The following ATP9A variants were observed in gnomAD, a reference collection of about 807,000 sequenced individuals.
ATP9A encodes the protein probable phospholipid-transporting ATPase IIA.
ATP9A carries 52 observed loss-of-function variants against 144.1 expected under a neutral mutation model. The ratio of observed to expected loss-of-function variants is 0.36; its 90% CI spans 0.29 to 0.45. The LOEUF (loss-of-function observed/expected upper bound fraction) is 0.45. Among genes scored for constraint, ATP9A ranks in the 20% least tolerant of loss-of-function variants. The pLI is 1.00. For synonymous variants in ATP9A, 582 were observed against 557.4 expected (o/e 1.04, Z -0.62); for missense variants, 947 against 1,392.7 (o/e 0.68, Z 5.09).
chr20:51,685,792 G>A (rs977472833), intron 9 of ATP9A, among the ~76,000 whole-genome samples: 1 of 152,146 alleles, frequency 6.6e-6, no homozygotes, highest in East Asian at 1.9e-4. Context: ...TTAAACCATT[G>A]TGGAAGACAG....
intron 3 of ATP9A, among the ~76,000 whole-genome samples, chr20:51,718,564 T>TC (rs2077672886): frequency 6.6e-6 from 1 of 151,842 alleles, no homozygotes; most frequent in Non-Finnish European, 1.5e-5. Flanking sequence ...ACACCTGTAA[T>TC]CCCAGCACTT....
intron 13 of ATP9A, among the ~76,000 whole-genome samples, chr20:51,658,887 G>GTTGT (rs2077398674): frequency 1.2e-5 from 1 of 81,588 alleles, no homozygotes; most frequent in Non-Finnish European, 2.6e-5. Flanking sequence ...AAGACCACTG[G>GTTGT]CGGGGGGGGG....
rs929624034 is a variant in ATP9A at position 51,646,602 on chromosome 20, G to C, written c.1507-7098C>G. Among the ~76,000 whole-genome samples, 6 of 152,214 alleles carry C rather than the reference G, an allele frequency of 3.9e-5. No homozygotes were observed. In the East Asian group the frequency reaches 9.6e-4, roughly 24 times the overall value. ...AGACAGGCATAGGGCAGGGCCATGT[G>C]GGGGTCAGAAGAAAACTGAGGCAGC... On this transcript the variant is annotated intron_variant, in intron 14 of 27. Transcript: ENST00000338821.
At chr20:51,768,212 C>G in intron 1 of ATP9A, 90 bp downstream of exon 1, 1 of 837,584 alleles carries the variant, frequency 1.2e-6, no homozygotes, top group Non-Finnish European at 1.5e-6. Context: ...GCGCGGCGCG[C>G]GGCCAACCTG....
At chr20:51,629,719 G>A (rs2077263184) in intron 15 of ATP9A, among the ~76,000 whole-genome samples, 1 of 152,196 alleles carries the variant, frequency 6.6e-6, no homozygotes, top group African/African-American at 2.4e-5. Flanking sequence ...CAGAGTTTCA[G>A]TTCACCCTAA....
chr20:51,663,387 T>C (rs1416458069), intron 13 of ATP9A, among the ~76,000 whole-genome samples: 2 of 152,096 alleles, frequency 1.3e-5, no homozygotes, highest in Non-Finnish European at 2.9e-5. Context: ...CTTGGCCGTA[T>C]GATTTATTTT....
At chr20:51,617,349 A>C in intron 22 of ATP9A, 141 bp downstream of exon 22, 2 of 865,072 alleles carry the variant, frequency 2.3e-6, no homozygotes, top group Non-Finnish European at 3.7e-6. Flanking sequence ...TCCCAGTGAC[A>C]CAAGGTAACT....
intron 11 of ATP9A, among the ~76,000 whole-genome samples, chr20:51,672,758 A>G (rs2077461399): frequency 6.6e-6 from 1 of 152,196 alleles, no homozygotes; most frequent in Non-Finnish European, 1.5e-5. Context: ...TATCATGGGG[A>G]AAAAGTAGAA....
intron 24 of ATP9A, among the ~76,000 whole-genome samples, chr20:51,609,418 C>T (rs1384328568): frequency 1.3e-5 from 2 of 152,130 alleles, no homozygotes; most frequent in South Asian, 2.1e-4. Context: ...CCGCACCCGC[C>T]GTCTCCTCAT....
At chr20:51,746,582 G>A (rs1028077244) in intron 1 of ATP9A, among the ~76,000 whole-genome samples, 2 of 152,222 alleles carry the variant, frequency 1.3e-5, no homozygotes, top group African/African-American at 4.8e-5. Flanking sequence ...GCTCACGCCT[G>A]TAATCCCAAC....
intron 1 of ATP9A, among the ~76,000 whole-genome samples, chr20:51,750,121 A>G (rs143399337): frequency 0.024 from 3,630 of 152,222 alleles, 65 homozygotes; most frequent in Non-Finnish European, 0.037. Context: ...CACCACTTGC[A>G]CTCCAGCCTG....
chr20:51,749,755 G>A (rs1259431919), intron 1 of ATP9A, among the ~76,000 whole-genome samples: 1 of 152,174 alleles, frequency 6.6e-6, no homozygotes. Flanking sequence ...TAGCTGACTA[G>A]AGAGAGTGGG....
At chr20:51,700,697 GCACA>G (rs1187202109) in intron 4 of ATP9A, among the ~76,000 whole-genome samples, 1 of 152,092 alleles carries the variant, frequency 6.6e-6, no homozygotes, top group Admixed American at 6.6e-5. Flanking sequence ...AGATGTGGTG[GCACA>G]CGCCTGTAAT....
intron 7 of ATP9A, among the ~76,000 whole-genome samples, 174 bp from the exon 8 acceptor site, chr20:51,690,993 T>G (rs1369695048): frequency 1.3e-5 from 2 of 150,838 alleles, no homozygotes; most frequent in Admixed American, 6.6e-5. Flanking sequence ...AGTTGAGGAG[T>G]CGCAGCATAC....
chr20:51,606,418 C>T (rs567477005), intron 26 of ATP9A, among the ~76,000 whole-genome samples: 42 of 152,084 alleles, frequency 2.8e-4, no homozygotes, highest in Non-Finnish European at 5.0e-4. Context: ...GTGAGGATTC[C>T]GGGCACAGTG....
chr20:51,622,207 A>G (rs1221854344), intron 18 of ATP9A, 35 bp from the exon 19 acceptor site: 4 of 1,575,676 alleles, frequency 2.5e-6, no homozygotes, highest in Non-Finnish European at 3.5e-6. Flanking sequence ...CCTGTTTATT[A>G]GTTTTTGAGG....
chr20:51,675,334 A>G (rs965777719), intron 10 of ATP9A, among the ~76,000 whole-genome samples: 2 of 152,180 alleles, frequency 1.3e-5, no homozygotes, highest in African/African-American at 4.8e-5. Flanking sequence ...GACAAAAGAC[A>G]ATTATTCTGT....
chr20:51,640,354 G>A (rs1427092830), intron 14 of ATP9A, among the ~76,000 whole-genome samples: 1 of 152,180 alleles, frequency 6.6e-6, no homozygotes, highest in Non-Finnish European at 1.5e-5. Context: ...ACTGGAAGGA[G>A]GTAATGCTGG....
chr20:51,753,370 G>C (rs1568848196), intron 1 of ATP9A, among the ~76,000 whole-genome samples: 2 of 152,088 alleles, frequency 1.3e-5, no homozygotes, highest in African/African-American at 4.8e-5. Flanking sequence ...AGAATCACTT[G>C]AACTCGGAAG....
Sources: gnomAD v4.1 joint callset for allele counts (sites outside exome capture counted in the v4.1 genomes callset) on GRCh38, gnomAD v4.1.1 for gene constraint, MANE v1.5 for transcripts, NCBI Gene and HGNC (gene_info 2026-07-23, HGNC 2026-07-21) for gene names.